The following GRIA3 variants were observed in gnomAD, a reference collection of about 807,000 sequenced individuals.
GRIA3 encodes the protein glutamate ionotropic receptor AMPA type subunit 3, also known as glutamate receptor 3.
In GRIA3, 3 loss-of-function variants were observed where a neutral mutation model predicts 63.0. That is an observed-to-expected ratio of 0.05 (90% CI 0.02 to 0.12). The LOEUF (loss-of-function observed/expected upper bound fraction) is 0.12, where lower values mean the gene tolerates loss of function less well. Ranked by LOEUF, GRIA3 falls within the 10% of genes least tolerant of loss-of-function variation. GRIA3 has a pLI of 1.00. For synonymous variants in GRIA3, 274 were observed against 257.9 expected, an observed-to-expected ratio of 1.06 and a Z score of -0.60; for missense variants, 347 against 700.9, an observed-to-expected ratio of 0.50 and a Z score of 5.70.
At chrX:123,252,675 A>G (rs1319803147) in intron 2 of GRIA3, among the ~76,000 whole-genome samples, 1 of 111,483 alleles carries the variant, frequency 9.0e-6, no homozygotes, top group East Asian at 2.8e-4. Flanking sequence ...CCAATTACAC[A>G]TGGGCAGGAT....
At chrX:123,196,152 AG>A (rs1454584763) in intron 2 of GRIA3, among the ~76,000 whole-genome samples, 4 of 111,534 alleles carry the variant, frequency 3.6e-5, no homozygotes, top group African/African-American at 1.3e-4. Flanking sequence ...GGGTCAAGTA[AG>A]GCTATGTCAA....
chrX:123,336,509 G>A lies in GRIA3; in HGVS notation c.696+10296G>A, dbSNP rs184365047. On this transcript the variant is annotated intron_variant, in intron 4 of 15. Coordinates refer to ENST00000620443, the MANE Select transcript of GRIA3 (RefSeq NM_007325.5). ...TGACAAGTGAGGGGCATCACTCAATGGGCCCAGGTGGGGGCTTGAGGAGAT... is the reference window on the plus strand; with the variant it reads ...TGACAAGTGAGGGGCATCACTCAATAGGCCCAGGTGGGGGCTTGAGGAGAT... Among the ~76,000 whole-genome samples, 103 of 111,904 alleles carry A rather than the reference G, an allele frequency of 9.2e-4. 1 individual carries two copies. In the Middle Eastern group the frequency reaches 0.028, roughly 30 times the overall value.
intron 4 of GRIA3, among the ~76,000 whole-genome samples, chrX:123,338,477 C>CTGTA (rs1358053965): frequency 8.9e-6 from 1 of 112,219 alleles, no homozygotes; most frequent in Non-Finnish European, 1.9e-5. Flanking sequence ...ACTCAGTGAC[C>CTGTA]TACAGGTCAT....
intron 2 of GRIA3, among the ~76,000 whole-genome samples, chrX:123,200,588 T>TAC (rs1927701992): frequency 1.1e-5 from 1 of 91,354 alleles, no homozygotes; most frequent in Admixed American, 1.3e-4. Context: ...TATATATACA[T>TAC]ATACACACAC....
At chrX:123,399,103 A>T (rs1261436059) in intron 7 of GRIA3, among the ~76,000 whole-genome samples, 1 of 111,819 alleles carries the variant, frequency 8.9e-6, no homozygotes, top group Non-Finnish European at 1.9e-5. Context: ...AAAGTTACAG[A>T]TTGAATATAT....
chrX:123,351,519 C>T (rs986623469), intron 4 of GRIA3, among the ~76,000 whole-genome samples: 2 of 111,877 alleles, frequency 1.8e-5, no homozygotes, highest in Non-Finnish European at 3.8e-5. Flanking sequence ...GGTTTTTCAG[C>T]AGAGATTACT....
At chrX:123,380,211 A>T (rs1180443815) in intron 5 of GRIA3, among the ~76,000 whole-genome samples, 1 of 105,202 alleles carries the variant, frequency 9.5e-6, no homozygotes, top group Admixed American at 1.0e-4. Flanking sequence ...TCCCTGAGGA[A>T]TCGCCACACT....
chrX:123,429,037 G>A (rs895363676), intron 12 of GRIA3, among the ~76,000 whole-genome samples: 2 of 111,526 alleles, frequency 1.8e-5, no homozygotes, highest in Admixed American at 1.9e-4. Flanking sequence ...ACTACTGCCT[G>A]CTACTGTAAC....
intron 5 of GRIA3, among the ~76,000 whole-genome samples, chrX:123,373,152 G>T (rs1350844387): frequency 2.7e-5 from 3 of 110,363 alleles, no homozygotes; most frequent in East Asian, 5.7e-4. Flanking sequence ...TGCTCAGAAT[G>T]ATGGTTTCCA....
At chrX:123,372,746 G>A (rs764154976) in intron 5 of GRIA3, among the ~76,000 whole-genome samples, 3 of 111,148 alleles carry the variant, frequency 2.7e-5, no homozygotes, top group Non-Finnish European at 3.8e-5. Context: ...TCTTGAATTC[G>A]TTTATCAGTT....
chrX:123,459,854 T>C (rs1411817642), intron 12 of GRIA3, among the ~76,000 whole-genome samples: 2 of 111,324 alleles, frequency 1.8e-5, no homozygotes, highest in Non-Finnish European at 3.8e-5. Flanking sequence ...GAGGAAATGC[T>C]AGTTTTCTTT....
intron 5 of GRIA3, among the ~76,000 whole-genome samples, chrX:123,382,433 G>A (rs758271924): frequency 8.9e-6 from 1 of 111,973 alleles, no homozygotes; most frequent in African/African-American, 3.3e-5. Flanking sequence ...ACTCATTCCC[G>A]GGATGTCTGT....
rs564975315 is a variant in GRIA3, at chrX:123,260,970, G to A, written c.508+7428G>A. On this transcript the variant is annotated intron_variant, in intron 3 of 15. Coordinates refer to ENST00000620443, the MANE Select transcript of GRIA3 (RefSeq NM_007325.5). ...ATTTGTCTGTAATGAGAATTTCATC[G>A]AAAATGAAAATACCAGAGCTGTCAT... 8.1e-5 allele frequency among the ~76,000 whole-genome samples: 9 copies of A among 111,706 alleles called. No homozygotes were observed. The South Asian group carries it at 2.3e-3, about 28-fold the overall frequency.
Position 123,326,168 on chromosome X carries a change from C to T in GRIA3, c.651C>T (p.Tyr217=). Residue 217 remains tyrosine, a synonymous_variant, in exon 4 of 16, where the codon TAC becomes TAT. Coordinates refer to ENST00000620443, the MANE Select transcript of GRIA3 (RefSeq NM_007325.5). ...TGGACAGGAGGCAGGAAAAGCGATA[C>T]TTGATTGACTGCGAAGTCGAAAGGA... ...EEMDRRQEKR[Y]LIDCEVERIN... 8.3e-7 allele frequency: 1 copy of T among 1,210,060 alleles called. No homozygotes were observed. The highest frequency in any genetic ancestry group is 1.1e-6 in the Non-Finnish European group (1 of 894,155).
At chrX:123,274,244 T>C (rs2044540622) in intron 3 of GRIA3, among the ~76,000 whole-genome samples, 1 of 112,662 alleles carries the variant, frequency 8.9e-6, no homozygotes, top group African/African-American at 3.2e-5. Context: ...GTTTCCTGTC[T>C]TTTTATTTGC....
intron 10 of GRIA3, among the ~76,000 whole-genome samples, chrX:123,407,669 A>T (rs1467485676): frequency 2.9e-5 from 2 of 68,794 alleles, no homozygotes; most frequent in Non-Finnish European, 4.8e-5. Flanking sequence ...GGGGGTTAGG[A>T]TTTCAACATA....
intron 2 of GRIA3, among the ~76,000 whole-genome samples, chrX:123,234,900 A>G (rs2044294406): frequency 9.0e-6 from 1 of 111,608 alleles, no homozygotes; most frequent in Admixed American, 9.6e-5. Flanking sequence ...ATTGAGGGCC[A>G]GGATAATTGG....
intron 4 of GRIA3, among the ~76,000 whole-genome samples, chrX:123,335,218 G>A (rs1428342272): frequency 9.0e-6 from 1 of 110,544 alleles, no homozygotes; most frequent in African/African-American, 3.3e-5. Context: ...TTGAGATAAT[G>A]TATCTTAAGG....
At chrX:123,411,601 T>C (rs2045506688) in intron 10 of GRIA3, among the ~76,000 whole-genome samples, 1 of 111,176 alleles carries the variant, frequency 9.0e-6, no homozygotes, top group African/African-American at 3.3e-5. Context: ...ATGAAAAGGA[T>C]TATAAATCCC....
Sources: gnomAD v4.1 joint callset for allele counts (sites outside exome capture counted in the v4.1 genomes callset) on GRCh38, gnomAD v4.1.1 for gene constraint, MANE v1.5 for transcripts, NCBI Gene and HGNC (gene_info 2026-07-23, HGNC 2026-07-21) for gene names.